The following KIF13B variants were observed in gnomAD, a reference collection of about 807,000 sequenced individuals.
KIF13B encodes the protein kinesin family member 13B.
A neutral mutation model predicts 222.0 loss-of-function variants in KIF13B; 127 were observed. The observed-to-expected ratio is 0.57, with a 90% CI of 0.50 to 0.66. The LOEUF is 0.66. Ranked by LOEUF, KIF13B falls within the 30% of genes least tolerant of loss-of-function variation. The probability of loss-of-function intolerance (pLI) is 0.00; values close to 1 mark genes in which losing one functional copy is unlikely to be tolerated. For synonymous variants in KIF13B, 976 were observed against 919.0 expected, an observed-to-expected ratio of 1.06 and a Z score of -1.12; for missense variants, 2,173 against 2,379.0, an observed-to-expected ratio of 0.91 and a Z score of 1.80.
At chr8:29,261,168 C>T (rs965052885) in intron 1 of KIF13B, among the ~76,000 whole-genome samples, 5 of 152,186 alleles carry the variant, frequency 3.3e-5, no homozygotes, top group African/African-American at 1.2e-4. Flanking sequence ...TAATGCACTT[C>T]TCTATATAGG....
chr8:29,148,484 A>T, intron 16 of KIF13B, 93 bp downstream of exon 16: 1 of 845,502 alleles, frequency 1.2e-6, no homozygotes, highest in Middle Eastern at 3.6e-4. Flanking sequence ...GTCTCAGCTC[A>T]CTGCAGCCTG....
At chr8:29,140,041 C>G in intron 21 of KIF13B, 22 bp downstream of exon 21, 1 of 1,554,758 alleles carries the variant, frequency 6.4e-7, no homozygotes, top group Non-Finnish European at 8.7e-7. Flanking sequence ...CAACGTAATA[C>G]TAGGATGAAG....
chr8:29,125,830 C>T (rs577885510), intron 26 of KIF13B, among the ~76,000 whole-genome samples: 27 of 152,024 alleles, frequency 1.8e-4, no homozygotes, highest in African/African-American at 2.9e-4. Context: ...AAAATTCAGT[C>T]GGGCGCGGTG....
intron 37 of KIF13B, among the ~76,000 whole-genome samples, chr8:29,079,789 C>CT (rs1807722115): frequency 6.6e-6 from 1 of 152,106 alleles, no homozygotes; most frequent in Non-Finnish European, 1.5e-5. Flanking sequence ...TTTAATGGTG[C>CT]TTAAACTAAT....
At chr8:29,081,478 T>G (rs1411116240) in intron 37 of KIF13B, among the ~76,000 whole-genome samples, 1 of 152,244 alleles carries the variant, frequency 6.6e-6, no homozygotes, top group African/African-American at 2.4e-5. Flanking sequence ...AACCATAAAT[T>G]TTATGAATTC....
intron 32 of KIF13B, 32 bp from the exon 33 acceptor site, chr8:29,110,102 C>T: frequency 6.5e-7 from 1 of 1,540,324 alleles, no homozygotes; most frequent in South Asian, 1.2e-5. Context: ...ATTATAAAAG[C>T]TTCTTGATGT....
At chr8:29,170,742 TC>T (rs1812201484) in intron 10 of KIF13B, among the ~76,000 whole-genome samples, 1 of 151,550 alleles carries the variant, frequency 6.6e-6, no homozygotes, top group African/African-American at 2.4e-5. Context: ...GTAAAAGGGG[TC>T]AGCTCATAAA....
chr8:29,249,833 A>G (rs1816202888), intron 1 of KIF13B, among the ~76,000 whole-genome samples: 1 of 152,250 alleles, frequency 6.6e-6, no homozygotes, highest in South Asian at 2.1e-4. Context: ...TGGAAACACA[A>G]ACCCAAAAAA....
intron 35 of KIF13B, 77 bp from the exon 36 acceptor site, chr8:29,099,318 A>G (rs967336799): frequency 2.1e-6 from 2 of 941,630 alleles, no homozygotes; most frequent in African/African-American, 1.7e-5. Context: ...GATACTCAAG[A>G]AAAAAAACTG....
At chr8:29,082,794 G>A (rs191073531) in intron 37 of KIF13B, among the ~76,000 whole-genome samples, 38 of 152,318 alleles carry the variant, frequency 2.5e-4, no homozygotes, top group South Asian at 1.2e-3. Context: ...GAAGGATTAA[G>A]GATGCTTAAA....
intron 35 of KIF13B, 92 bp downstream of exon 35, chr8:29,108,047 C>G: frequency 9.2e-7 from 1 of 1,081,514 alleles, no homozygotes; most frequent in South Asian, 1.4e-5. Flanking sequence ...AGAGGAAATT[C>G]TGGCTTGCAA....
intron 2 of KIF13B, among the ~76,000 whole-genome samples, chr8:29,231,876 A>T (rs1036311034): frequency 6.6e-6 from 1 of 151,856 alleles, no homozygotes; most frequent in Middle Eastern, 3.4e-3. Context: ...CCACTTCCAA[A>T]TTTTTTTTTA....
chr8:29,071,542 TC>T lies in KIF13B; in HGVS notation c.5218+77del. ...CCCTCCCTCTCCTGCCCGGACCCTG[TC>T]CCCTCCCAGGCCGGCCACGTTCCTG... On this transcript the variant is annotated intron_variant, in intron 39 of 39. Coordinates refer to ENST00000524189, the MANE Select transcript of KIF13B (RefSeq NM_015254.4). The surrounding 1 kb of genome is among the most constrained non-coding windows in gnomAD (Gnocchi z 4.9). 1 of 1,316,032 alleles carries T rather than the reference TC, an allele frequency of 7.6e-7. No homozygotes were observed. The highest frequency in any genetic ancestry group is 1.1e-6 in the Non-Finnish European group (1 of 948,274). The allele number at this position is 1,316,032 out of a possible 1,614,324, so 81.5% of individuals were successfully genotyped here.
intron 3 of KIF13B, among the ~76,000 whole-genome samples, chr8:29,192,051 T>C (rs750197833): frequency 1.3e-5 from 2 of 152,206 alleles, no homozygotes; most frequent in Non-Finnish European, 2.9e-5. Context: ...TTGCTTATTT[T>C]TTCCTCTCCT....
At position 29,142,271 on chromosome 8, in the gene KIF13B, C is replaced by T; in HGVS notation, c.2220G>A (p.Gln740=). The T allele has an allele frequency of 1.2e-6, 2 of 1,613,496 alleles. No homozygotes were observed. The highest frequency in any genetic ancestry group is 1.7e-6 in the Non-Finnish European group (2 of 1,179,682). ...RGSLLSEPAI[Q]VRRKGKGKQI... ...GCTTTCCTTTTCCTTTTCTTCTCAC[C>T]TGGATTGCAGGCTCACTAAGAAGAG... Residue 740 remains glutamine, a synonymous_variant, in exon 19 of 40, where the codon CAG becomes CAA. Coordinates refer to ENST00000524189, the MANE Select transcript of KIF13B (RefSeq NM_015254.4).
chr8:29,100,705 C>T (rs4732904), intron 35 of KIF13B, among the ~76,000 whole-genome samples: 17,287 of 152,220 alleles, frequency 0.11, 1,283 homozygotes, highest in East Asian at 0.28. Flanking sequence ...CCGCCTCGGC[C>T]TCCCAAAGTG....
intron 37 of KIF13B, among the ~76,000 whole-genome samples, chr8:29,076,318 C>T (rs546550849): frequency 3.9e-5 from 6 of 152,348 alleles, no homozygotes; most frequent in East Asian, 1.9e-4. Flanking sequence ...AGGACAGCCG[C>T]GGGTAGGGCT....
intron 1 of KIF13B, among the ~76,000 whole-genome samples, chr8:29,254,275 G>T (rs986609005): frequency 2.0e-5 from 3 of 152,140 alleles, no homozygotes; most frequent in Admixed American, 6.5e-5. Context: ...GTTAGATAAT[G>T]GTTTCTCAGA....
At chr8:29,253,270 T>C (rs954383647) in intron 1 of KIF13B, among the ~76,000 whole-genome samples, 5 of 152,008 alleles carry the variant, frequency 3.3e-5, no homozygotes, top group Non-Finnish European at 7.4e-5. Flanking sequence ...TTTGAGCCCA[T>C]GAGTTACAGG....
Sources: gnomAD v4.1 joint callset for allele counts (sites outside exome capture counted in the v4.1 genomes callset) on GRCh38, gnomAD v4.1.1 for gene constraint, Gnocchi (gnomAD v3.1) non-coding constraint, MANE v1.5 for transcripts, NCBI Gene and HGNC (gene_info 2026-07-23, HGNC 2026-07-21) for gene names.